The following JAK1 variants were observed in gnomAD, a reference collection of about 807,000 sequenced individuals.
JAK1 encodes the protein Janus kinase 1, also known as tyrosine-protein kinase JAK1.
A neutral mutation model predicts 136.6 loss-of-function variants in JAK1; 16 were observed. The ratio of observed to expected loss-of-function variants is 0.12; its 90% CI spans 0.08 to 0.18. JAK1 has a LOEUF of 0.18. Ranked by LOEUF, JAK1 falls within the 10% of genes least tolerant of loss-of-function variation. The pLI is 1.00. For synonymous variants in JAK1, 492 were observed against 519.5 expected (o/e 0.95, Z 0.72); for missense variants, 859 against 1,450.1 (o/e 0.59, Z 6.62).
chr1:64,936,778 CCATAAATGAAGAG>C (rs145213413), intron 1 of JAK1, among the ~76,000 whole-genome samples: 3,098 of 152,178 alleles, frequency 0.02, 117 homozygotes, highest in African/African-American at 0.072. Flanking sequence ...TATATTTCTT[CCATAAATGAAGAG>C]GCTAAGCCAA....
intron 1 of JAK1, among the ~76,000 whole-genome samples, chr1:65,055,425 C>T (rs1280031530): frequency 2.0e-5 from 3 of 152,166 alleles, no homozygotes; most frequent in Non-Finnish European, 4.4e-5. Context: ...TGGGTTGCTC[C>T]TTTTAGTTAT....
At chr1:64,976,646 A>G (rs1646499762) in intron 2 of JAK1, among the ~76,000 whole-genome samples, 1 of 152,228 alleles carries the variant, frequency 6.6e-6, no homozygotes, top group South Asian at 2.1e-4. Flanking sequence ...GTCTCTCTCA[A>G]CAGTGTATTC....
intron 2 of JAK1, among the ~76,000 whole-genome samples, chr1:64,885,304 C>G (rs1157952556): frequency 6.6e-6 from 1 of 152,184 alleles, no homozygotes; most frequent in African/African-American, 2.4e-5. Context: ...TAGCTAAAAG[C>G]CTGCTTCATA....
intron 2 of JAK1, chr1:64,995,109 G>T (rs905522591): frequency 1.3e-5 from 2 of 152,094 alleles, no homozygotes; most frequent in African/African-American, 4.8e-5. Flanking sequence ...GCAGAATAAA[G>T]GAAGATAAAA....
At chr1:64,972,005 G>A (rs1646456858) in intron 2 of JAK1, among the ~76,000 whole-genome samples, 1 of 151,926 alleles carries the variant, frequency 6.6e-6, no homozygotes, top group Admixed American at 6.6e-5. Context: ...CTGCAGCCTG[G>A]GCAACAGAAC....
intron 2 of JAK1, chr1:64,989,939 A>C (rs1050826475): frequency 1.3e-5 from 2 of 151,418 alleles, no homozygotes; most frequent in Admixed American, 1.3e-4. Context: ...AATTGGCAAA[A>C]ACTGAGAAAA....
At position 64,914,964 on chromosome 1, in the gene JAK1, A is replaced by G. The variant is rs182571069; in HGVS notation, c.-77-28623T>C. Among the ~76,000 whole-genome samples, 6 of 152,330 alleles carry G rather than the reference A, an allele frequency of 3.9e-5. No individual in the cohort carries two copies. In the East Asian group the frequency reaches 1.2e-3, roughly 29 times the overall value. On this transcript the variant is annotated intron_variant, in intron 1 of 24. Coordinates refer to ENST00000342505, the MANE Select transcript of JAK1 (RefSeq NM_002227.4). ...TCAATACAAGATAAGGCACAACACT[A>G]TTTAATAAAAAAAGCTCTCTGATTT...
chr1:64,874,887 G>A lies in JAK1; in HGVS notation c.330-1364C>T, dbSNP rs570723628. ...TGGAGGGCTCTCAGGCATGTTTCTCGTACTCTGTGAGTTCCTGTCTCTGGG... is the reference window on the plus strand; with the variant it reads ...TGGAGGGCTCTCAGGCATGTTTCTCATACTCTGTGAGTTCCTGTCTCTGGG... On this transcript the variant is annotated intron_variant, in intron 4 of 24. Coordinates refer to ENST00000342505, the MANE Select transcript of JAK1 (RefSeq NM_002227.4). Among the ~76,000 whole-genome samples the A allele has an allele frequency of 1.7e-4, 26 of 152,238 alleles. No individual in the cohort carries two copies. The East Asian group carries it at 4.4e-3, about 26-fold the overall frequency.
intron 17 of JAK1, among the ~76,000 whole-genome samples, chr1:64,843,442 T>C (rs1359773220): frequency 4.6e-5 from 7 of 152,226 alleles, no homozygotes; most frequent in Non-Finnish European, 4.4e-5. Flanking sequence ...TCGCCTGTTT[T>C]GCATTCTAGC....
upstream of JAK1, among the ~76,000 whole-genome samples, chr1:64,970,527 A>G (rs968802640): frequency 6.6e-6 from 1 of 152,066 alleles, no homozygotes; most frequent in Non-Finnish European, 1.5e-5. Context: ...AGGCCAAGGC[A>G]GGTGGATCAC....
intron 2 of JAK1, among the ~76,000 whole-genome samples, chr1:65,011,335 G>T (rs1397759484): frequency 6.6e-6 from 1 of 151,846 alleles, no homozygotes; most frequent in Non-Finnish European, 1.5e-5. Context: ...AATAAGCTGG[G>T]TGTGGTAGTG....
intron 1 of JAK1, among the ~76,000 whole-genome samples, chr1:64,900,095 T>C (rs142069993): frequency 6.6e-6 from 1 of 152,202 alleles, no homozygotes; most frequent in Non-Finnish European, 1.5e-5. Context: ...TCATTCCCCC[T>C]GGGTTATACA....
At chr1:64,967,841 A>G (rs987532519), upstream of JAK1, among the ~76,000 whole-genome samples, 1 of 152,148 alleles carries the variant, frequency 6.6e-6, no homozygotes, top group African/African-American at 2.4e-5. Flanking sequence ...CGGAGATCAG[A>G]GCAGACAGGG....
intron 2 of JAK1, among the ~76,000 whole-genome samples, chr1:65,042,431 CACACACAA>C (rs1325052016): frequency 1.4e-5 from 2 of 143,282 alleles, no homozygotes; most frequent in East Asian, 2.0e-4. Flanking sequence ...CACACACACA[CACACACAA>C]ACACACCCCA....
chr1:64,899,644 A>C (rs1645074662), intron 1 of JAK1, among the ~76,000 whole-genome samples: 1 of 152,236 alleles, frequency 6.6e-6, no homozygotes, highest in Non-Finnish European at 1.5e-5. Context: ...TTGAATTTTC[A>C]GATTTGGGAT....
At chr1:65,028,609 C>A (rs1366482208) in intron 2 of JAK1, among the ~76,000 whole-genome samples, 1 of 152,038 alleles carries the variant, frequency 6.6e-6, no homozygotes, top group Non-Finnish European at 1.5e-5. Context: ...ATCATCTAAC[C>A]CCTTGAAGAG....
intron 4 of JAK1, among the ~76,000 whole-genome samples, chr1:64,876,834 T>C (rs1421804520): frequency 1.3e-5 from 2 of 151,958 alleles, no homozygotes; most frequent in East Asian, 1.9e-4. Flanking sequence ...AAAAGACAAA[T>C]AGACATCAAT....
Position 64,896,807 on chromosome 1 carries a change from C to T in JAK1, c.-77-10466G>A, listed in dbSNP as rs1295962410. 2.0e-5 allele frequency among the ~76,000 whole-genome samples: 3 copies of T among 152,158 alleles called. No individual in the cohort carries two copies. The South Asian group carries it at 6.2e-4, about 32-fold the overall frequency. On this transcript the variant is annotated intron_variant, in intron 1 of 24. Coordinates refer to ENST00000342505, the MANE Select transcript of JAK1 (RefSeq NM_002227.4). ...CTGGTGTAGTGAGTTTGATCGGATC[C>T]AGAGGACGGCAGGGAAAACCAGCAT...
intron 1 of JAK1, among the ~76,000 whole-genome samples, chr1:64,949,377 C>T (rs751611414): frequency 1.6e-4 from 25 of 152,228 alleles, no homozygotes; most frequent in Admixed American, 1.2e-3. Context: ...ATTAGTCATG[C>T]AAAAATGTAC....
Sources: allele counts gnomAD v4.1 joint callset (sites outside exome capture counted in the v4.1 genomes callset), GRCh38; gene constraint gnomAD v4.1.1; transcripts MANE v1.5; gene names NCBI Gene and HGNC (gene_info 2026-07-23, HGNC 2026-07-21).